Variants in PLB1 observed in about 807,000 individuals in gnomAD.
The protein encoded by PLB1 is phospholipase B1, membrane-associated.
Under a neutral mutation model 227.4 loss-of-function variants are expected in PLB1, and 242 were observed. That is an observed-to-expected ratio of 1.06 (90% CI 0.96 to 1.18). The LOEUF (loss-of-function observed/expected upper bound fraction) is 1.18, where lower values mean the gene tolerates loss of function less well. Ranked by LOEUF, PLB1 falls within the 50% of genes most tolerant of loss-of-function variation. PLB1 has a pLI of 0.00. For missense variants in PLB1, 1,858 were observed against 1,816.3 expected (o/e 1.02, Z -0.42); for synonymous variants, 757 against 682.2 (o/e 1.11, Z -1.71).
chr2:28,532,019 A>G (rs1671079455), intron 8 of PLB1, 89 bp from the exon 9 acceptor site: 3 of 1,026,266 alleles, frequency 2.9e-6, no homozygotes, highest in Non-Finnish European at 2.9e-6. Context: ...GGATGGGTGT[A>G]TGAAATGGAA....
chr2:28,517,454 C>T (rs2148176210), intron 2 of PLB1, among the ~76,000 whole-genome samples: 1 of 152,284 alleles, frequency 6.6e-6, no homozygotes, highest in South Asian at 2.1e-4. Flanking sequence ...CTGAGGAGGT[C>T]CAAGTGGTCT....
chr2:28,554,573 G>A (rs192599317), intron 17 of PLB1, among the ~76,000 whole-genome samples: 141 of 145,166 alleles, frequency 9.7e-4, no homozygotes, highest in African/African-American at 3.6e-3. Context: ...AGGCTCAGGC[G>A]ATCCTCCAGC....
intron 1 of PLB1, among the ~76,000 whole-genome samples, chr2:28,511,493 C>T (rs537211872): frequency 1.4e-4 from 22 of 152,310 alleles, no homozygotes; most frequent in Non-Finnish European, 2.6e-4. Context: ...ACATCACCAA[C>T]GTCCCAACTG....
At chr2:28,587,817 T>C (rs1451137738) in intron 26 of PLB1, among the ~76,000 whole-genome samples, 2 of 152,216 alleles carry the variant, frequency 1.3e-5, no homozygotes, top group South Asian at 2.1e-4. Context: ...GCAGGCGTTC[T>C]CTCATCTTTT....
intron 49 of PLB1, 132 bp from the exon 50 acceptor site, chr2:28,624,925 T>G: frequency 1.2e-6 from 1 of 841,016 alleles, no homozygotes; most frequent in Non-Finnish European, 1.9e-6. Flanking sequence ...TGAGATTTCT[T>G]GAGAATGGAA....
intron 56 of PLB1, among the ~76,000 whole-genome samples, chr2:28,640,676 C>A (rs1689869172): frequency 6.6e-6 from 1 of 152,168 alleles, no homozygotes; most frequent in African/African-American, 2.4e-5. Context: ...CTGTACCCGG[C>A]AAATCCAGGG....
intron 14 of PLB1, among the ~76,000 whole-genome samples, chr2:28,547,201 CCAAAAAAAAAAAAAA>C (rs1673406349): frequency 4.3e-5 from 1 of 23,452 alleles, no homozygotes; most frequent in Non-Finnish European, 1.3e-4. Context: ...GACCCTGTCT[CCAAAAAAAAAAAAAA>C]GAAAAAAAAA....
At position 28,604,895 on chromosome 2, in the gene PLB1, T is replaced by C. The variant is rs1684444997; in HGVS notation, c.2961+136T>C. Reference sequence around the variant, plus strand: ...AGACGCTGTGCTGGCAGGTGCAGGCTCCCTGAACGCCTGAGCCACATCCGT... The same window carrying C: ...AGACGCTGTGCTGGCAGGTGCAGGCCCCCTGAACGCCTGAGCCACATCCGT... On this transcript the variant is annotated intron_variant, in intron 41 of 57. Transcript: ENST00000327757. The C allele has an allele frequency of 3.9e-6, 3 of 772,544 alleles. No individual in the cohort carries two copies. The East Asian group carries it at 8.3e-5, about 21-fold the overall frequency. The allele number at this position is 772,544 out of a possible 1,614,324, so 47.9% of individuals were successfully genotyped here. A position where few individuals can be genotyped will look rare whatever the true frequency, so the allele number is the denominator to read the frequency against.
intron 30 of PLB1, 97 bp downstream of exon 30, chr2:28,591,268 A>C: frequency 6.7e-7 from 1 of 1,501,478 alleles, no homozygotes. Context: ...AAAGCGGGCA[A>C]GAGTTCTAGA....
At chr2:28,524,844 C>CTCTT (rs1553405566) in intron 4 of PLB1, among the ~76,000 whole-genome samples, 8 of 106,580 alleles carry the variant, frequency 7.5e-5, no homozygotes, top group African/African-American at 2.4e-4. Flanking sequence ...CTCTCTCTCT[C>CTCTT]TTTTTTTTTT....
intron 53 of PLB1, among the ~76,000 whole-genome samples, chr2:28,629,898 TGA>T (rs1259128267): frequency 2.0e-5 from 3 of 152,178 alleles, no homozygotes; most frequent in Admixed American, 6.5e-5. Context: ...ATTATTGCTA[TGA>T]GAGAGGAGGT....
chr2:28,598,118 G>T, intron 34 of PLB1, 70 bp downstream of exon 34: 1 of 1,351,260 alleles, frequency 7.4e-7, no homozygotes. Context: ...TCCCGAAAGT[G>T]CCTCCCAGGT....
chr2:28,511,802 T>TTTTTTTTTTTG (rs1668293619), intron 1 of PLB1, among the ~76,000 whole-genome samples: 2 of 151,142 alleles, frequency 1.3e-5, no homozygotes, highest in Non-Finnish European at 2.9e-5. Context: ...TTTTTTTTTT[T>TTTTTTTTTTTG]GAGATGGAGT....
At position 28,606,516 on chromosome 2, in the gene PLB1, A is replaced by C; in HGVS notation, c.3078A>C (p.Lys1026Asn). Residue 1026 changes from lysine (K) to asparagine (N), a missense_variant, in exon 43 of 58, where the codon AAA (lysine) becomes AAC (asparagine). Lys to Asn is a moderately conservative substitution (Grantham distance 94). Coordinates refer to ENST00000327757, the MANE Select transcript of PLB1 (RefSeq NM_153021.5). ...ATCAGCTTGAACCACTTGGAAGCAA[A>C]ACAGAGACCCTGGACCTGAGAGCAG... ...WTNMLEPLGS[K>N]TETLDLRAEM... The C allele has an allele frequency of 6.2e-7, 1 of 1,614,144 alleles. No individual in the cohort carries two copies. Among genetic ancestry groups the C allele is most frequent in the Non-Finnish European group, 8.5e-7 (1 of 1,180,026 alleles).
intron 47 of PLB1, 52 bp from the exon 48 acceptor site, chr2:28,620,548 C>G: frequency 6.4e-7 from 1 of 1,567,776 alleles, no homozygotes; most frequent in Non-Finnish European, 8.7e-7. Context: ...TATGTTGACA[C>G]AGGGAGCAGC....
chr2:28,548,269 G>A (rs1378780168), intron 14 of PLB1, among the ~76,000 whole-genome samples: 3 of 152,148 alleles, frequency 2.0e-5, no homozygotes, highest in South Asian at 4.1e-4. Flanking sequence ...CACAGGCTGC[G>A]GGGAGGACTT....
chr2:28,541,286 A>G (rs1040151777), intron 12 of PLB1, among the ~76,000 whole-genome samples: 4 of 152,260 alleles, frequency 2.6e-5, no homozygotes, highest in Non-Finnish European at 5.9e-5. Context: ...ATGTGTTAAC[A>G]TGATGACTTT....
chr2:28,540,555 G>A, intron 12 of PLB1, 114 bp downstream of exon 12: 1 of 820,616 alleles, frequency 1.2e-6, no homozygotes, highest in South Asian at 1.5e-5. Flanking sequence ...GACTTCTCCA[G>A]CTGAATTCAG....
chr2:28,548,512 G>C (rs1296681780), intron 14 of PLB1: 2 of 478,624 alleles, frequency 4.2e-6, no homozygotes, highest in South Asian at 3.1e-5. Context: ...GCTCTGTCCT[G>C]GCTGGCTGGG....
Sources: gnomAD v4.1 joint callset for allele counts (sites outside exome capture counted in the v4.1 genomes callset) on GRCh38, gnomAD v4.1.1 for gene constraint, MANE v1.5 for transcripts, NCBI Gene and HGNC (gene_info 2026-07-23, HGNC 2026-07-21) for gene names.